Variants in SPINK5 observed in about 807,000 individuals in gnomAD.
SPINK5 encodes serine protease inhibitor Kazal-type 5.
SPINK5 carries 125 observed loss-of-function variants against 151.8 expected under a neutral mutation model. That is an observed-to-expected ratio of 0.82 (90% confidence interval 0.71 to 0.96). The LOEUF is 0.96. Ranked by LOEUF, SPINK5 falls within the 40% of genes least tolerant of loss-of-function variation. The probability of loss-of-function intolerance (pLI) is 0.00; values close to 1 mark genes in which losing one functional copy is unlikely to be tolerated. For synonymous variants in SPINK5, 374 were observed against 395.3 expected (o/e 0.95, Z 0.64); for missense variants, 1,194 against 1,291.9 (o/e 0.92, Z 1.16).
At chr5:148,065,456 A>T in intron 2 of SPINK5, 84 bp downstream of exon 2, 3 of 1,450,806 alleles carry the variant, frequency 2.1e-6, no homozygotes, top group Non-Finnish European at 2.9e-6. Context: ...TCATGTTAAT[A>T]ATACAAACAT....
chr5:148,081,411 A>G (rs978032288), intron 4 of SPINK5, among the ~76,000 whole-genome samples: 2 of 151,830 alleles, frequency 1.3e-5, no homozygotes, highest in Admixed American at 6.6e-5. Context: ...GAATATATTT[A>G]TACAGTGAAA....
chr5:148,076,613 T>TTCC (rs1752887516), intron 4 of SPINK5, among the ~76,000 whole-genome samples: 1 of 151,762 alleles, frequency 6.6e-6, no homozygotes, highest in Non-Finnish European at 1.5e-5. Flanking sequence ...GAGTTTGTCT[T>TTCC]TAACTGTGTA....
chr5:148,118,324 G>C lies in SPINK5; in HGVS notation c.2113-113G>C, dbSNP rs974328775. 16 of 1,467,802 alleles carry C rather than the reference G, an allele frequency of 1.1e-5. No homozygotes were observed. The African/African-American group carries it at 2.2e-4, about 20-fold the overall frequency. The allele number at this position is 1,467,802 out of a possible 1,614,324, so 90.9% of individuals were successfully genotyped here. On this transcript the variant is annotated intron_variant, in intron 22 of 32. Transcript: ENST00000256084. ...GAGCCACCGTACCCGGCAATGTTAT[G>C]TTTCTTATAAAGAGAGGTGAAAGAA...
At chr5:148,128,761 G>A (rs1754499036) in intron 30 of SPINK5, among the ~76,000 whole-genome samples, 1 of 152,112 alleles carries the variant, frequency 6.6e-6, no homozygotes, top group Non-Finnish European at 1.5e-5. Context: ...CTGACCTCGT[G>A]ATCCGCCCGC....
chr5:148,068,618 C>T (rs553543898), intron 2 of SPINK5, among the ~76,000 whole-genome samples: 2 of 144,490 alleles, frequency 1.4e-5, no homozygotes, highest in South Asian at 4.5e-4. Flanking sequence ...GCACAAAACA[C>T]CAGATATAGA....
At chr5:148,124,469 A>C (rs960242719) in intron 27 of SPINK5, among the ~76,000 whole-genome samples, 1 of 152,188 alleles carries the variant, frequency 6.6e-6, no homozygotes, top group Non-Finnish European at 1.5e-5. Context: ...TCTAGATGAG[A>C]GTCTTAAGTC....
At chr5:148,114,240 G>GAA (rs35860121) in intron 20 of SPINK5, 122 bp from the exon 21 acceptor site, 388 of 1,194,416 alleles carry the variant, frequency 3.2e-4, no homozygotes, top group Non-Finnish European at 3.6e-4. Context: ...ATAACTGCCA[G>GAA]AAAAAAAATT....
At chr5:148,103,811 A>T (rs1462116396) in intron 15 of SPINK5, among the ~76,000 whole-genome samples, 1 of 152,178 alleles carries the variant, frequency 6.6e-6, no homozygotes, top group Non-Finnish European at 1.5e-5. Flanking sequence ...TTTTTAAAAA[A>T]GTTTTAGTTT....
chr5:148,070,262 T>C (rs1752701707), intron 2 of SPINK5, 61 bp from the exon 3 acceptor site: 2 of 1,585,688 alleles, frequency 1.3e-6, no homozygotes, highest in Admixed American at 3.4e-5. Context: ...CATATATATA[T>C]CAAAATAAAG....
At chr5:148,125,875 C>G (rs1447741277) in intron 29 of SPINK5, 25 bp downstream of exon 29, 1 of 1,613,992 alleles carries the variant, frequency 6.2e-7, no homozygotes, top group East Asian at 2.2e-5. Context: ...TCTGCTCCCC[C>G]TGTAGCTAGC....
In SPINK5 at chr5:148,107,114, C is replaced by G. The variant is rs880687; in HGVS notation, c.1557C>G (p.Gly519=). 11 of 1,612,834 alleles carry G rather than the reference C, an allele frequency of 6.8e-6. No homozygotes were observed. Among genetic ancestry groups the G allele is most frequent in the Non-Finnish European group, 9.3e-6 (11 of 1,179,430 alleles). The change falls in exon 17 of 33, where the codon GGC becomes GGG. Residue 519 remains glycine (G), a synonymous_variant. Transcript: ENST00000256084. ...ICTREHNPVR[G]PDGKMHGNKC... The stretch of plus-strand genomic sequence containing the variant: ...CCAGGGAGCATAATCCTGTCCGTGG[C>G]CCAGATGGCAAAATGCATGGAAACA...
chr5:148,105,783 A>ATTT (rs5872059), intron 16 of SPINK5, among the ~76,000 whole-genome samples: 1 of 130,568 alleles, frequency 7.7e-6, no homozygotes, highest in Non-Finnish European at 1.6e-5. Context: ...TGCCCAGCTA[A>ATTT]TTTTTTTTTT....
At chr5:148,121,143 CAAA>C (rs767012594) in intron 26 of SPINK5, among the ~76,000 whole-genome samples, 28 of 68,664 alleles carry the variant, frequency 4.1e-4, no homozygotes, top group South Asian at 2.4e-3. Flanking sequence ...GACTCTGTCT[CAAA>C]AAAAAAAAAA....
chr5:148,122,313 G>C (rs982656325), intron 26 of SPINK5, among the ~76,000 whole-genome samples: 1 of 152,132 alleles, frequency 6.6e-6, no homozygotes, highest in Non-Finnish European at 1.5e-5. Context: ...GTGGTTGTGA[G>C]ACATTTAATA....
chr5:148,082,634 G>A (rs1385466351), intron 4 of SPINK5, among the ~76,000 whole-genome samples: 2 of 10,628 alleles, frequency 1.9e-4, no homozygotes, highest in Admixed American at 1.9e-3. Context: ...TTTTTGAGAC[G>A]GAGTCTCGCT....
chr5:148,116,474 C>T lies in SPINK5; in HGVS notation c.2112+8C>T, dbSNP rs1258780753. On this transcript the variant is annotated splice_region_variant and intron_variant, in intron 22 of 32. Transcript: ENST00000256084. Reference sequence around the variant, plus strand: ...GGAGGAGGAAACACTCAGGTGAGAGCAACCTCTAATTTCAGTAACTGGGGC... The same window carrying T: ...GGAGGAGGAAACACTCAGGTGAGAGTAACCTCTAATTTCAGTAACTGGGGC... 1 of 1,613,648 alleles carries T rather than the reference C, an allele frequency of 6.2e-7. No individual in the cohort carries two copies. Among genetic ancestry groups the T allele is most frequent in the Non-Finnish European group, 8.5e-7 (1 of 1,179,714 alleles).
chr5:148,109,858 T>C (rs1753876327), intron 18 of SPINK5, among the ~76,000 whole-genome samples: 1 of 152,184 alleles, frequency 6.6e-6, no homozygotes, highest in African/African-American at 2.4e-5. Flanking sequence ...ATCAAGGTCC[T>C]TGTAGTGTCT....
At chr5:148,132,327 A>G (rs1754592577) in intron 31 of SPINK5, among the ~76,000 whole-genome samples, 3 of 152,078 alleles carry the variant, frequency 2.0e-5, no homozygotes, top group Admixed American at 2.0e-4. Context: ...AGGACACTAT[A>G]AGCAAGGCCC....
Position 148,133,749 on chromosome 5 carries a change from A to G in SPINK5, c.3096-48A>G, listed in dbSNP as rs377467910. On this transcript the variant is annotated intron_variant, in intron 31 of 32. Coordinates refer to ENST00000256084, the MANE Select transcript of SPINK5 (RefSeq NM_006846.4). ...GTTGGTCCTTATTTATTTTCTTATT[A>G]TAACTGAGAACTTCCTCGTTGTTGA... 4.0e-5 allele frequency: 63 copies of G among 1,588,660 alleles called. No individual in the cohort carries two copies. The African/African-American group carries it at 8.1e-4, about 20-fold the overall frequency.
Sources: allele counts gnomAD v4.1 joint callset (sites outside exome capture counted in the v4.1 genomes callset), GRCh38; gene constraint gnomAD v4.1.1; transcripts MANE v1.5; gene names NCBI Gene and HGNC (gene_info 2026-07-23, HGNC 2026-07-21).